Variants in ACTN2 observed in about 807,000 individuals in gnomAD.
The protein encoded by ACTN2 is actinin alpha 2.
In ACTN2, 39 loss-of-function variants were observed where a neutral mutation model predicts 113.8. The observed-to-expected ratio is 0.34, with a 90% CI of 0.27 to 0.45. ACTN2 has a LOEUF of 0.45. Ranked by LOEUF, ACTN2 falls within the 20% of genes least tolerant of loss-of-function variation. The pLI is 1.00. For synonymous variants in ACTN2, 429 were observed against 444.1 expected (o/e 0.97, Z 0.43); for missense variants, 992 against 1,177.9 (o/e 0.84, Z 2.31).
In ACTN2 at chr1:236,737,086, G is replaced by A. The variant is rs758659157; in HGVS notation, c.784-36G>A. The A allele has an allele frequency of 8.3e-6, 13 of 1,565,464 alleles. 1 individual carries two copies. In the African/African-American group the frequency reaches 9.5e-5, roughly 11 times the overall value. On this transcript the variant is annotated intron_variant, in intron 8 of 20. Transcript: ENST00000366578. ...CATGCTGTGTGTGCGCATTCCCGTC[G>A]ACAGAGCCGTCCTGTTTACCTATTG...
intron 1 of ACTN2, among the ~76,000 whole-genome samples, chr1:236,694,508 CCA>C (rs1657412892): frequency 6.6e-6 from 1 of 152,018 alleles, no homozygotes; most frequent in Admixed American, 6.6e-5. Flanking sequence ...CAGGTGTGAG[CCA>C]CCACGCCTGG....
At position 236,736,716 on chromosome 1, in the gene ACTN2, A is replaced by C. The variant is rs766021985; in HGVS notation, c.784-406A>C. 4 of 1,257,638 alleles carry C rather than the reference A, an allele frequency of 3.2e-6. No individual in the cohort carries two copies. The South Asian group carries it at 5.2e-5, about 16-fold the overall frequency. 77.9% of individuals were successfully genotyped at this position (1,257,638 alleles called of 1,614,324 possible). A position where few individuals can be genotyped will look rare whatever the true frequency, so the allele number is the denominator to read the frequency against. On this transcript the variant is annotated intron_variant, in intron 8 of 20. Transcript: ENST00000366578. ...CAGTTATTTTTGCCTTGATTTCCAA[A>C]GGCTAATGTTATTCAGGGAGTCTCC...
rs1246910938 is a variant in ACTN2 at position 236,747,680 on chromosome 1, C to T, written c.1420C>T (p.His474Tyr). 1.7e-5 allele frequency: 28 copies of T among 1,614,034 alleles called. No individual in the cohort carries two copies. The highest frequency in any genetic ancestry group is 2.3e-5 in the Non-Finnish European group (27 of 1,179,914). Residue 474 changes from histidine to tyrosine, a missense_variant, in exon 13 of 21, where the codon CAC becomes TAC. By Grantham distance (83) the His-to-Tyr change is moderately conservative (BLOSUM62 2). Transcript: ENST00000366578. Reference protein sequence around the residue: ...IAQELNELDYHDAVNVNDRCQ... With the variant: ...IAQELNELDYYDAVNVNDRCQ... Reference sequence around the variant, plus strand: ...CACTTTTAATAGTGAACTGGACTATCACGACGCTGTGAATGTCAATGATCG... The same window carrying T: ...CACTTTTAATAGTGAACTGGACTATTACGACGCTGTGAATGTCAATGATCG...
intron 1 of ACTN2, among the ~76,000 whole-genome samples, chr1:236,709,247 T>TACACAC (rs1558227405): frequency 1.1e-5 from 1 of 89,894 alleles, no homozygotes; most frequent in Admixed American, 1.3e-4. Flanking sequence ...TATATATATA[T>TACACAC]ATATATATAC....
intron 1 of ACTN2, among the ~76,000 whole-genome samples, chr1:236,715,201 C>G (rs575311088): frequency 3.1e-4 from 46 of 149,764 alleles, no homozygotes; most frequent in African/African-American, 1.0e-3. Flanking sequence ...TACATGTGCA[C>G]AACGTGTAGG....
intron 12 of ACTN2, among the ~76,000 whole-genome samples, chr1:236,746,458 T>C (rs921382747): frequency 6.6e-6 from 1 of 151,738 alleles, no homozygotes; most frequent in Admixed American, 6.6e-5. Context: ...CTGTAATCCT[T>C]GTACTTTGGG....
At chr1:236,709,146 T>C (rs568878861) in intron 1 of ACTN2, among the ~76,000 whole-genome samples, 20 of 148,480 alleles carry the variant, frequency 1.3e-4, no homozygotes, top group African/African-American at 4.0e-4. Context: ...ATACAGGTAG[T>C]GTTGGCCGGC....
In ACTN2 at chr1:236,755,084, G is replaced by A; in HGVS notation, c.2040G>A (p.Gln680=). The A allele has an allele frequency of 6.2e-7, 1 of 1,614,248 alleles. No homozygotes were observed. Among genetic ancestry groups the A allele is most frequent in the Non-Finnish European group, 8.5e-7 (1 of 1,180,050 alleles). The change falls in exon 17 of 21, where the codon CAG becomes CAA. Residue 680 remains glutamine (Q), a synonymous_variant. Coordinates refer to ENST00000366578, the MANE Select transcript of ACTN2 (RefSeq NM_001103.4). ...AAGACCAGATGAACCAGCTGAAGCA[G>A]TATGAGCACAACATCATCAACTATA... is the stretch of plus-strand genomic sequence containing the variant. ...ALEDQMNQLK[Q]YEHNIINYKN...
intron 4 of ACTN2, among the ~76,000 whole-genome samples, chr1:236,723,640 A>G (rs1170969890): frequency 6.6e-6 from 1 of 152,068 alleles, no homozygotes; most frequent in East Asian, 1.9e-4. Context: ...TAATTTTTGT[A>G]TTTTTAGTAG....
In ACTN2 at chr1:236,739,404, C is replaced by T. The variant is rs769485633; in HGVS notation, c.979C>T (p.Arg327Cys). ...QKKLEDFRDY[R>C]RKHKPPKVQE... ...GAAGCTGGAGGACTTCCGGGATTAC[C>T]GCCGGAAGCACAAGCCACCCAAGGT... The change falls in exon 10 of 21, where the codon CGC becomes TGC. Residue 327 changes from arginine to cysteine, a missense_variant. By Grantham distance (180) the Arg-to-Cys change is radical. Coordinates refer to ENST00000366578, the MANE Select transcript of ACTN2 (RefSeq NM_001103.4). The T allele has an allele frequency of 1.4e-5, 22 of 1,614,034 alleles. No homozygotes were observed. The highest frequency in any genetic ancestry group is 8.8e-5 in the South Asian group (8 of 91,052).
intron 1 of ACTN2, among the ~76,000 whole-genome samples, chr1:236,702,971 T>A (rs1657720583): frequency 1.3e-5 from 2 of 152,194 alleles, no homozygotes; most frequent in Non-Finnish European, 2.9e-5. Context: ...AATATTTATT[T>A]TGCTGTCTGT....
At chr1:236,746,238 G>T (rs865805737) in intron 12 of ACTN2, among the ~76,000 whole-genome samples, 3 of 151,904 alleles carry the variant, frequency 2.0e-5, no homozygotes, top group Non-Finnish European at 4.4e-5. Flanking sequence ...GATTTGGTAG[G>T]GTAGGAGGGG....
At chr1:236,695,790 A>G (rs566803100) in intron 1 of ACTN2, among the ~76,000 whole-genome samples, 1 of 152,178 alleles carries the variant, frequency 6.6e-6, no homozygotes, top group Non-Finnish European at 1.5e-5. Flanking sequence ...GTCTTCATAC[A>G]TGCCAAGCCC....
At chr1:236,755,235 C>T (rs1279901128) in intron 17 of ACTN2, 37 bp downstream of exon 17, 1 of 1,612,830 alleles carries the variant, frequency 6.2e-7, no homozygotes, top group Non-Finnish European at 8.5e-7. Flanking sequence ...GCTCACTTCT[C>T]ACGGGGACCA....
chr1:236,694,969 A>C (rs1188434111), intron 1 of ACTN2, among the ~76,000 whole-genome samples: 1 of 151,978 alleles, frequency 6.6e-6, no homozygotes, highest in Non-Finnish European at 1.5e-5. Context: ...GGGAGGCTGA[A>C]GTGAGAGGAT....
chr1:236,753,757 G>C lies in ACTN2; in HGVS notation c.1840-190G>C, dbSNP rs968267423. 5 of 717,068 alleles carry C rather than the reference G, an allele frequency of 7.0e-6. No homozygotes were observed. In the African/African-American group the frequency reaches 8.7e-5, roughly 12 times the overall value. The allele number at this position is 717,068 out of a possible 1,614,324, so 44.4% of individuals were successfully genotyped here. On this transcript the variant is annotated intron_variant, in intron 15 of 20. Coordinates refer to ENST00000366578, the MANE Select transcript of ACTN2 (RefSeq NM_001103.4). ...TAGATGGCAGTCAAAGCTAAATCAA[G>C]CTCATCCTGTAGTCCCTAGACTAGG...
chr1:236,704,761 C>A (rs1044636260), intron 1 of ACTN2, among the ~76,000 whole-genome samples: 1 of 152,226 alleles, frequency 6.6e-6, no homozygotes, highest in Admixed American at 6.5e-5. Flanking sequence ...AACCTGGAAG[C>A]TCTCCAAACT....
rs781506473 is a variant in ACTN2, at chr1:236,754,120, G to A, written c.1974+39G>A. ...CTCCCAGGCGCTGTTCACAAGCCTT[G>A]CGATAAGTCCCTTTAGCCACGCAGC... On this transcript the variant is annotated intron_variant, in intron 16 of 20. Transcript: ENST00000366578. The surrounding 1 kb of genome is among the most constrained non-coding windows in gnomAD (Gnocchi z 4.9). The A allele has an allele frequency of 3.0e-5, 48 of 1,610,890 alleles. No homozygotes were observed. The highest frequency in any genetic ancestry group is 3.9e-5 in the Non-Finnish European group (46 of 1,179,968).
In ACTN2 at chr1:236,737,300, T is replaced by TATATATATATATATATATATATATATAAG. The variant is rs1254363259; in HGVS notation, c.876+104_876+105insATATATATAAGATATATATATATATATAT. The TATATATATATATATATATATATATATAAG allele has an allele frequency of 3.1e-5, 5 of 160,862 alleles. 1 individual carries two copies. The highest frequency in any genetic ancestry group is 7.4e-5 in the Admixed American group (1 of 13,522). The allele number at this position is 160,862 out of a possible 1,614,324, so 10.0% of individuals were successfully genotyped here. ...GGTGAAAAAATACTCCGTGGGGGCA[T>TATATATATATATATATATATATATATAAG]ATATATATATATATATATTTTGCAT... On this transcript the variant is annotated intron_variant, in intron 9 of 20. Coordinates refer to ENST00000366578, the MANE Select transcript of ACTN2 (RefSeq NM_001103.4).
Sources: gnomAD v4.1 joint callset for allele counts (sites outside exome capture counted in the v4.1 genomes callset) on GRCh38, gnomAD v4.1.1 for gene constraint, Gnocchi (gnomAD v3.1) non-coding constraint, MANE v1.5 for transcripts, NCBI Gene and HGNC (gene_info 2026-07-23, HGNC 2026-07-21) for gene names.